MTCL1: variants seen among roughly 807,000 people sequenced by gnomAD.
MTCL1 encodes microtubule crosslinking factor 1, also known as microtubule cross-linking factor 1.
In MTCL1, 79 loss-of-function variants were observed where a neutral mutation model predicts 141.4. That is an observed-to-expected ratio of 0.56 (90% CI 0.47 to 0.67). The LOEUF (loss-of-function observed/expected upper bound fraction) is 0.67, where lower values mean the gene tolerates loss of function less well. Ranked by LOEUF, MTCL1 falls within the 30% of genes least tolerant of loss-of-function variation. The pLI is 0.00. For synonymous variants in MTCL1, 914 were observed against 875.8 expected, an observed-to-expected ratio of 1.04 and a Z score of -0.77; for missense variants, 2,177 against 2,113.9, an observed-to-expected ratio of 1.03 and a Z score of -0.59.
chr18:8,805,347 G>A (rs2076263371), intron 10 of MTCL1, among the ~76,000 whole-genome samples: 1 of 152,118 alleles, frequency 6.6e-6, no homozygotes, highest in Non-Finnish European at 1.5e-5. Context: ...ATATAAGTGA[G>A]AACATGCGGT....
At chr18:8,767,749 C>A (rs540381460) in intron 4 of MTCL1, among the ~76,000 whole-genome samples, 1 of 149,094 alleles carries the variant, frequency 6.7e-6, no homozygotes, top group African/African-American at 2.5e-5. Context: ...GAGAACCTTT[C>A]TGATTTGAAA....
intron 4 of MTCL1, among the ~76,000 whole-genome samples, chr18:8,774,602 CT>C (rs1438509195): frequency 6.6e-6 from 1 of 152,198 alleles, no homozygotes; most frequent in African/African-American, 2.4e-5. Flanking sequence ...ATTCTCCTGC[CT>C]TTGTCTCCTG....
chr18:8,821,662 T>C (rs2076850387), intron 14 of MTCL1, among the ~76,000 whole-genome samples, 164 bp downstream of exon 13: 1 of 152,244 alleles, frequency 6.6e-6, no homozygotes, highest in Non-Finnish European at 1.5e-5. Flanking sequence ...ATAAACATGG[T>C]ATTTTTGATT....
intron 9 of MTCL1, 109 bp downstream of exon 8, chr18:8,796,571 C>A: frequency 1.8e-6 from 2 of 1,133,018 alleles, no homozygotes; most frequent in South Asian, 1.6e-5. Flanking sequence ...TATTTTATTT[C>A]TCAATATTTG....
In MTCL1 at chr18:8,783,840, G is replaced by A. The variant is rs199899364; in HGVS notation, c.728G>A (p.Arg243Gln). The A allele has an allele frequency of 9.3e-6, 15 of 1,612,962 alleles. No homozygotes were observed. Among genetic ancestry groups the A allele is most frequent in the South Asian group, 2.2e-5 (2 of 91,076 alleles). Residue 243 changes from arginine (R) to glutamine (Q), a missense_variant, in exon 6 of 17, where the codon CGG becomes CAG. By Grantham distance (43) the Arg-to-Gln change is conservative (BLOSUM62 1). Transcript: ENST00000359865. ...CTCAAGGCAGAGATGGAGGACATGC[G>A]GGGCCAGCAGGAGCGGGAGGGCCCG...
chr18:8,823,098 A>T (rs1251159914), intron 14 of MTCL1, among the ~76,000 whole-genome samples: 4 of 151,470 alleles, frequency 2.6e-5, no homozygotes. Flanking sequence ...CGCCCTCCCC[A>T]CTGTCCCCAT....
chr18:8,751,298 CA>C (rs1348826129), intron 4 of MTCL1, among the ~76,000 whole-genome samples: 2 of 152,074 alleles, frequency 1.3e-5, no homozygotes, highest in Non-Finnish European at 1.5e-5. Flanking sequence ...GATATTTCAC[CA>C]GGTCCTCAGT....
At chr18:8,720,539 A>G (rs2096163495) in intron 4 of MTCL1, 43 bp downstream of exon 3, 1 of 1,584,076 alleles carries the variant, frequency 6.3e-7, no homozygotes, top group African/African-American at 1.4e-5. Context: ...GGATTTAATA[A>G]GGAGGAGCTT....
At chr18:8,742,438 A>G (rs538673578) in intron 4 of MTCL1, among the ~76,000 whole-genome samples, 11 of 152,204 alleles carry the variant, frequency 7.2e-5, no homozygotes, top group South Asian at 2.1e-4. Flanking sequence ...GAAACTTACA[A>G]TCATGGCAGA....
At chr18:8,740,019 C>T (rs1329421811) in intron 4 of MTCL1, among the ~76,000 whole-genome samples, 1 of 152,242 alleles carries the variant, frequency 6.6e-6, no homozygotes, top group Non-Finnish European at 1.5e-5. Context: ...GCGTGAGCCA[C>T]CGCGCCCAGC....
At chr18:8,831,916 T>C (rs2077204311) in exon 17 of MTCL1, 1 of 1,306,070 alleles carries the variant, frequency 7.7e-7, no homozygotes, top group East Asian at 2.5e-5. Context: ...GGTCAAAGAA[T>C]GTTTTTTAAA....
chr18:8,798,307 C>G lies in MTCL1; in HGVS notation c.2436+16C>G. 3.4e-6 allele frequency: 5 copies of G among 1,491,254 alleles called. No individual in the cohort carries two copies. The highest frequency in any genetic ancestry group is 4.5e-6 in the Non-Finnish European group (5 of 1,121,154). 92.4% of individuals were successfully genotyped at this position (1,491,254 alleles called of 1,614,324 possible). A position where few individuals can be genotyped will look rare whatever the true frequency, so the allele number is the denominator to read the frequency against. On this transcript the variant is annotated intron_variant, in intron 10 of 16. Coordinates refer to ENST00000359865, the Ensembl canonical transcript of MTCL1. ...CCACAAACAGGTGGGTACCTCGACCCGAGCCTGTCGCCCTGCCCACACCAG... is the reference window on the plus strand; with the variant it reads ...CCACAAACAGGTGGGTACCTCGACCGGAGCCTGTCGCCCTGCCCACACCAG...
intron 4 of MTCL1, among the ~76,000 whole-genome samples, chr18:8,770,464 C>T (rs113483509): frequency 5.9e-5 from 9 of 152,178 alleles, no homozygotes; most frequent in South Asian, 2.1e-4. Context: ...GCTGCCTTCT[C>T]GATGAATCCT....
chr18:8,776,722 GTTATTTATTTATTTATTTATTTATTTAT>G (rs140591538), intron 4 of MTCL1, among the ~76,000 whole-genome samples: 4 of 142,678 alleles, frequency 2.8e-5, no homozygotes, highest in Non-Finnish European at 4.6e-5. Flanking sequence ...GGAAACACTA[GTTATTTATTTATTTATTTATTTATTTAT>G]TTATTTATTT....
upstream of MTCL1, among the ~76,000 whole-genome samples, chr18:8,716,444 AT>A (rs2096128632): frequency 6.6e-6 from 1 of 152,174 alleles, no homozygotes; most frequent in Admixed American, 6.5e-5. Context: ...TGACCGAAGC[AT>A]CATCATCACC....
At chr18:8,750,918 A>C (rs1018287199) in intron 4 of MTCL1, among the ~76,000 whole-genome samples, 7 of 152,036 alleles carry the variant, frequency 4.6e-5, no homozygotes, top group Non-Finnish European at 1.0e-4. Flanking sequence ...CCTTCTCTGG[A>C]TGCGTTGATA....
chr18:8,711,750 T>C (rs1456768098), intron 1 of MTCL1, among the ~76,000 whole-genome samples: 1 of 151,750 alleles, frequency 6.6e-6, no homozygotes, highest in Non-Finnish European at 1.5e-5. Flanking sequence ...TGTTTTTTTC[T>C]TGTAAATTTG....
chr18:8,811,449 T>A (rs2076481804), intron 11 of MTCL1, among the ~76,000 whole-genome samples: 1 of 152,080 alleles, frequency 6.6e-6, no homozygotes, highest in African/African-American at 2.4e-5. Flanking sequence ...GGGACAAACA[T>A]CCAAACTACA....
At chr18:8,706,702 G>T (rs756799865) in exon 1 of MTCL1, 16 of 1,545,836 alleles carry the variant, frequency 1.0e-5, no homozygotes, top group Non-Finnish European at 1.2e-5. Flanking sequence ...CTCGGAGAAC[G>T]ACTATCTCAA....
Sources: allele counts gnomAD v4.1 joint callset (sites outside exome capture counted in the v4.1 genomes callset), GRCh38; gene constraint gnomAD v4.1.1; transcripts MANE v1.5; gene names NCBI Gene and HGNC (gene_info 2026-07-23, HGNC 2026-07-21).